PHACTR2: variants seen among roughly 807,000 people sequenced by gnomAD.
PHACTR2 encodes the protein chromosome 6 open reading frame 56.
In PHACTR2, 30 loss-of-function variants were observed where a neutral mutation model predicts 76.0. That is an observed-to-expected ratio of 0.39 (90% confidence interval 0.30 to 0.54). The LOEUF (loss-of-function observed/expected upper bound fraction) is 0.54, where lower values mean the gene tolerates loss of function less well. Among genes scored for constraint, PHACTR2 ranks in the 20% least tolerant of loss-of-function variants. The pLI is 0.61. For synonymous variants in PHACTR2, 292 were observed against 292.5 expected, an observed-to-expected ratio of 1.00 and a Z score of 0.02; for missense variants, 696 against 781.1, an observed-to-expected ratio of 0.89 and a Z score of 1.30.
At chr6:143,779,900 TTATATTATATTATATTATATTA>T (rs1239112511) in intron 9 of PHACTR2, among the ~76,000 whole-genome samples, 1 of 6,516 alleles carries the variant, frequency 1.5e-4, no homozygotes, top group Non-Finnish European at 3.6e-4. Flanking sequence ...ATATACGTAT[TTATATTATATTATATTATATTA>T]TATTATATTA....
intron 5 of PHACTR2, among the ~76,000 whole-genome samples, chr6:143,762,973 A>G (rs183850970): frequency 6.6e-6 from 1 of 152,332 alleles, no homozygotes; most frequent in Non-Finnish European, 1.5e-5. Context: ...AAGAAAAACT[A>G]TAATGTGGCT....
rs1419949477 is a variant in PHACTR2, at chr6:143,549,144, C to A, written c.217+11937C>A. Among the ~76,000 whole-genome samples, 2 of 151,984 alleles carry A rather than the reference C, an allele frequency of 1.3e-5. No homozygotes were observed. The highest frequency in any genetic ancestry group is 2.9e-5 in the Non-Finnish European group (2 of 67,938). ...ACATTTCCACAGAGCTGTCTGGGCC[C>A]CTTTGGTTTCCATTCAAGGCAGCCC... is the stretch of plus-strand genomic sequence containing the variant. On this transcript the variant is annotated intron_variant, in intron 1 of 11. Coordinates refer to the PHACTR2 transcript ENST00000367584. The surrounding 1 kb of genome is among the most constrained non-coding windows in gnomAD (Gnocchi z 4.2).
Position 143,827,190 on chromosome 6 carries a change from A to ATATATATATATATG in PHACTR2, c.*3510_*3511insATATGTATATATAT. ...TATATATATATATATATATATATATATATATATATGTATATTATATATACA... is the reference window on the plus strand; with the variant it reads ...TATATATATATATATATATATATATATATATATATATATGTATATATATGTATATTATATATACA... On this transcript the variant is annotated 3_prime_UTR_variant, in exon 13 of 13. Coordinates refer to ENST00000440869, the MANE Select transcript of PHACTR2 (RefSeq NM_001100164.2). The ATATATATATATATG allele has an allele frequency of 8.2e-6, 1 of 121,452 alleles. No individual in the cohort carries two copies. The highest frequency in any genetic ancestry group is 2.7e-4 in the East Asian group (1 of 3,734). 7.5% of individuals were successfully genotyped at this position (121,452 alleles called of 1,614,324 possible). A position where few individuals can be genotyped will look rare whatever the true frequency, so the allele number is the denominator to read the frequency against.
chr6:143,649,451 C>T, intron 1 of PHACTR2, among the ~76,000 whole-genome samples: 1 of 152,186 alleles, frequency 6.6e-6, no homozygotes, highest in East Asian at 1.9e-4. Flanking sequence ...CAACAAAATA[C>T]TGGCAAACCA....
intron 11 of PHACTR2, among the ~76,000 whole-genome samples, chr6:143,796,848 G>A (rs1238616598): frequency 6.6e-6 from 1 of 152,066 alleles, no homozygotes; most frequent in African/African-American, 2.4e-5. Context: ...CTTTGCTATT[G>A]TGAATAGTGC....
intron 1 of PHACTR2, among the ~76,000 whole-genome samples, chr6:143,540,134 C>T (rs1430613543): frequency 6.6e-6 from 1 of 152,198 alleles, no homozygotes; most frequent in Non-Finnish European, 1.5e-5. Flanking sequence ...TGCAGTCTCC[C>T]AAGCAGCCTT....
In PHACTR2 at chr6:143,653,444, G is replaced by C. The variant is rs1359051546; in HGVS notation, c.13+45122G>C. On this transcript the variant is annotated intron_variant, in intron 1 of 11. Transcript: ENST00000305766. The surrounding 1 kb of genome is among the most constrained non-coding windows in gnomAD (Gnocchi z 4.9). Reference sequence around the variant, plus strand: ...AAGCTTTTTGATATGGTGCTTTGAAGACACAGTTTACTAATGGCCTGAAAG... The same window carrying C: ...AAGCTTTTTGATATGGTGCTTTGAACACACAGTTTACTAATGGCCTGAAAG... Among the ~76,000 whole-genome samples the C allele has an allele frequency of 1.3e-5, 2 of 152,026 alleles. No homozygotes were observed. Among genetic ancestry groups the C allele is most frequent in the Non-Finnish European group, 2.9e-5 (2 of 68,018 alleles).
At position 143,599,340 on chromosome 6, in the gene PHACTR2, A is replaced by T. The variant is rs1775789384; in HGVS notation, c.217+62133A>T. 6.6e-6 allele frequency among the ~76,000 whole-genome samples: 1 copy of T among 152,214 alleles called. No homozygotes were observed. The highest frequency in any genetic ancestry group is 1.5e-5 in the Non-Finnish European group (1 of 68,020). ...CAGAAATTGATTCATGAGAGAAAAA[A>T]GTAACATGCTTTTTAGGCATTTTTA... On this transcript the variant is annotated intron_variant, in intron 1 of 11. Coordinates refer to the PHACTR2 transcript ENST00000367584. This position sits in a 1 kb window ranked among gnomAD's most constrained non-coding sequence, Gnocchi z 4.6.
At chr6:143,724,836 T>G (rs1225847062) in intron 2 of PHACTR2, among the ~76,000 whole-genome samples, 1 of 152,380 alleles carries the variant, frequency 6.6e-6, no homozygotes. Flanking sequence ...TCTCTTTGGT[T>G]GTGGCCATGG....
rs1440068822 is a variant in PHACTR2, at chr6:143,722,225, T to C, written c.214+10042T>C. Among the ~76,000 whole-genome samples the C allele has an allele frequency of 6.6e-6, 1 of 152,236 alleles. No homozygotes were observed. The highest frequency in any genetic ancestry group is 1.5e-5 in the Non-Finnish European group (1 of 68,042). ...TATTTTTTTATAACAATATATTTTC[T>C]GTTCTTTCTCTGTACCCTCATGTGG... On this transcript the variant is annotated intron_variant, in intron 2 of 12. Coordinates refer to ENST00000440869, the MANE Select transcript of PHACTR2 (RefSeq NM_001100164.2). This position sits in a 1 kb window ranked among gnomAD's most constrained non-coding sequence, Gnocchi z 4.1.
At position 143,617,496 on chromosome 6, in the gene PHACTR2, T is replaced by G. The variant is rs760596109; in HGVS notation, c.13+9174T>G. 6.6e-6 allele frequency among the ~76,000 whole-genome samples: 1 copy of G among 152,190 alleles called. No individual in the cohort carries two copies. Among genetic ancestry groups the G allele is most frequent in the East Asian group, 1.9e-4 (1 of 5,200 alleles). On this transcript the variant is annotated intron_variant, in intron 1 of 11. Coordinates refer to the PHACTR2 transcript ENST00000305766. This position sits in a 1 kb window ranked among gnomAD's most constrained non-coding sequence, Gnocchi z 4.8. The stretch of plus-strand genomic sequence containing the variant: ...TGTGCCCCACCCTAGACAAATTCAG[T>G]CCGGGACTTTGGAGTGGGGTCAGGA...
chr6:143,673,940 C>G (rs556643757), upstream of PHACTR2, among the ~76,000 whole-genome samples: 1 of 152,016 alleles, frequency 6.6e-6, no homozygotes, highest in African/African-American at 2.4e-5. Flanking sequence ...GAAAGAAAAG[C>G]CTGTCTTTCA....
intron 2 of PHACTR2, among the ~76,000 whole-genome samples, chr6:143,724,639 AC>A (rs1056797830): frequency 2.0e-5 from 3 of 152,108 alleles, no homozygotes; most frequent in Non-Finnish European, 4.4e-5. Flanking sequence ...TGTCAGGGTT[AC>A]CTTTGGTTGT....
At position 143,801,616 on chromosome 6, in the gene PHACTR2, T is replaced by A. The variant is rs1459287425; in HGVS notation, c.1846-5441T>A. Among the ~76,000 whole-genome samples, 2 of 152,170 alleles carry A rather than the reference T, an allele frequency of 1.3e-5. No homozygotes were observed. Among genetic ancestry groups the A allele is most frequent in the Non-Finnish European group, 2.9e-5 (2 of 68,026 alleles). ...CATTCATCTAACCTTTTTTCAACGT[T>A]TTTAGCTTCCTTGAAATGGATTAGA... On this transcript the variant is annotated intron_variant, in intron 11 of 12. Coordinates refer to ENST00000440869, the MANE Select transcript of PHACTR2 (RefSeq NM_001100164.2). The surrounding 1 kb of genome is among the most constrained non-coding windows in gnomAD (Gnocchi z 4.6).
intron 1 of PHACTR2, among the ~76,000 whole-genome samples, chr6:143,552,424 A>G (rs928050751): frequency 3.3e-5 from 5 of 152,202 alleles, no homozygotes; most frequent in African/African-American, 1.2e-4. Context: ...GAGCAAAACC[A>G]CAAATGGAAA....
At chr6:143,586,627 C>CATATTT (rs1317289748) in intron 1 of PHACTR2, among the ~76,000 whole-genome samples, 2 of 152,336 alleles carry the variant, frequency 1.3e-5, no homozygotes, top group East Asian at 3.9e-4. Flanking sequence ...GTTTTGCAGT[C>CATATTT]ATATTTATAC....
In PHACTR2 at chr6:143,807,546, G is replaced by A. The variant is rs1476217415; in HGVS notation, c.1922+413G>A. On this transcript the variant is annotated intron_variant, in intron 12 of 12. Coordinates refer to ENST00000440869, the MANE Select transcript of PHACTR2 (RefSeq NM_001100164.2). The surrounding 1 kb of genome is among the most constrained non-coding windows in gnomAD (Gnocchi z 5.5). ...TTGGTTCCTTTCTTCGTTTTTTTCT[G>A]GGTCTGAAGACATCATTTATTCTGC... Among the ~76,000 whole-genome samples, 2 of 152,080 alleles carry A rather than the reference G, an allele frequency of 1.3e-5. No individual in the cohort carries two copies. Among genetic ancestry groups the A allele is most frequent in the African/African-American group, 2.4e-5 (1 of 41,404 alleles).
intron 6 of PHACTR2, among the ~76,000 whole-genome samples, chr6:143,771,220 A>ATGTGTG (rs1562300959): frequency 2.0e-5 from 2 of 101,530 alleles, no homozygotes; most frequent in Non-Finnish European, 3.7e-5. Context: ...ATATATATAT[A>ATGTGTG]TATATATATA....
intron 1 of PHACTR2, among the ~76,000 whole-genome samples, chr6:143,569,823 A>G (rs1018774090): frequency 2.6e-5 from 4 of 152,234 alleles, no homozygotes; most frequent in Admixed American, 1.3e-4. Flanking sequence ...AGATAAAAGT[A>G]TAATTGATGT....
Sources: allele counts gnomAD v4.1 joint callset (sites outside exome capture counted in the v4.1 genomes callset), GRCh38; gene constraint gnomAD v4.1.1; non-coding constraint Gnocchi (gnomAD v3.1); transcripts MANE v1.5; gene names NCBI Gene and HGNC (gene_info 2026-07-23, HGNC 2026-07-21).